The following UBQLN4 variants were observed in gnomAD, a reference collection of about 807,000 sequenced individuals.
UBQLN4 encodes the protein ubiquilin 4.
UBQLN4 carries 11 observed loss-of-function variants against 60.4 expected under a neutral mutation model. The ratio of observed to expected loss-of-function variants is 0.18; its 90% CI spans 0.11 to 0.30. The LOEUF (loss-of-function observed/expected upper bound fraction) is 0.30, where lower values mean the gene tolerates loss of function less well. Among genes scored for constraint, UBQLN4 ranks in the 10% least tolerant of loss-of-function variants. The pLI is 1.00. For synonymous variants in UBQLN4, 258 were observed against 313.1 expected (o/e 0.82, Z 1.86); for missense variants, 417 against 795.5 (o/e 0.52, Z 5.72).
chr1:156,042,394 G>T, intron 7 of UBQLN4, 158 bp from the exon 8 acceptor site: 1 of 1,425,970 alleles, frequency 7.0e-7, no homozygotes, highest in South Asian at 1.6e-5. Flanking sequence ...GGGACAGTGA[G>T]AGGAAATGGA....
chr1:156,036,256 T>A lies in UBQLN4; in HGVS notation c.*722A>T, dbSNP rs1187827560. 2.0e-6 allele frequency: 2 copies of A among 985,512 alleles called. No individual in the cohort carries two copies. The highest frequency in any genetic ancestry group is 2.4e-6 in the Non-Finnish European group (2 of 829,994). 61.0% of individuals were successfully genotyped at this position (985,512 alleles called of 1,614,324 possible). A position where few individuals can be genotyped will look rare whatever the true frequency, so the allele number is the denominator to read the frequency against. On this transcript the variant is annotated 3_prime_UTR_variant, in exon 11 of 11. Coordinates refer to ENST00000368309, the MANE Select transcript of UBQLN4 (RefSeq NM_020131.5). ...ACTTCCAAGCCTTTTACTCAGGCTG[T>A]CTCCCCCATTCCCTTCCTCCGAATA...
In UBQLN4 at chr1:156,049,150, G is replaced by A. The variant is rs1683795097; in HGVS notation, c.742-491C>T. ...CCCTATTTTGCAGATGAGCAAATAG[G>A]CTCAGAGATGTTAATTGACTTGCTG... On this transcript the variant is annotated intron_variant, in intron 4 of 10. Transcript: ENST00000368309. Among the ~76,000 whole-genome samples the A allele has an allele frequency of 2.0e-5, 3 of 152,196 alleles. No individual in the cohort carries two copies. In the South Asian group the frequency reaches 6.2e-4, roughly 32 times the overall value.
chr1:156,031,368 A>G (rs1396919808), downstream of UBQLN4, among the ~76,000 whole-genome samples: 1 of 152,138 alleles, frequency 6.6e-6, no homozygotes, highest in Admixed American at 6.6e-5. Context: ...CATTTTTCAG[A>G]TGAACAAACT....
intron 5 of UBQLN4, among the ~76,000 whole-genome samples, chr1:156,047,891 CAA>C (rs749746724): frequency 1.7e-4 from 7 of 40,070 alleles, no homozygotes; most frequent in Middle Eastern, 0.017. Flanking sequence ...GACTCCATCT[CAA>C]AAAAAAAAAA....
At chr1:156,034,823 T>TATA (rs1683355095), downstream of UBQLN4, among the ~76,000 whole-genome samples, 1 of 35,872 alleles carries the variant, frequency 2.8e-5, no homozygotes, top group Non-Finnish European at 5.6e-5. Flanking sequence ...TCCCTTAACC[T>TATA]TCTATATATA....
chr1:156,042,986 T>C (rs1030584765), intron 6 of UBQLN4, 73 bp from the exon 7 acceptor site: 5 of 1,551,100 alleles, frequency 3.2e-6, no homozygotes, highest in Admixed American at 4.0e-5. Context: ...CACTTCAATC[T>C]ACCTTACTTC....
intron 10 of UBQLN4, among the ~76,000 whole-genome samples, chr1:156,041,275 G>A (rs1196892320): frequency 6.6e-6 from 1 of 152,196 alleles, no homozygotes. Context: ...AGTATGTAGT[G>A]CACGGGTAAG....
chr1:156,040,872 A>T (rs1218248959), intron 10 of UBQLN4, among the ~76,000 whole-genome samples: 1 of 152,208 alleles, frequency 6.6e-6, no homozygotes, highest in Non-Finnish European at 1.5e-5. Flanking sequence ...CAGATGAGTC[A>T]CAGAGGTCAG....
In UBQLN4 at chr1:156,049,180, G is replaced by A. The variant is rs192066749; in HGVS notation, c.742-521C>T. ...GAGATGTTAATTGACTTGCTGCCCT[G>A]GGACACACAGTCACTGAGTGGTGAA... On this transcript the variant is annotated intron_variant, in intron 4 of 10. Transcript: ENST00000368309. Among the ~76,000 whole-genome samples, 21 of 152,296 alleles carry A rather than the reference G, an allele frequency of 1.4e-4. No homozygotes were observed. In the East Asian group the frequency reaches 4.0e-3, roughly 29 times the overall value.
rs755301551 is a variant in UBQLN4 at position 156,051,149 on chromosome 1, C to G, written c.439G>C (p.Ala147Pro). The change falls in exon 3 of 11, where the codon GCT (alanine) becomes CCT (proline). Residue 147 changes from alanine to proline, a missense_variant. Physicochemically the swap from Ala to Pro is conservative, Grantham distance 27. Coordinates refer to ENST00000368309, the MANE Select transcript of UBQLN4 (RefSeq NM_020131.5). ...GTAGCACTGGGGGATCCCTCCCCAG[C>G]CCCCGGAGAGGGCCCCCCACCACTG... ...RSSGGGPSPG[A>P]GEGSPSATAS... 3.7e-6 allele frequency: 6 copies of G among 1,612,300 alleles called. No homozygotes were observed. Among genetic ancestry groups the G allele is most frequent in the Non-Finnish European group, 5.1e-6 (6 of 1,179,110 alleles).
chr1:156,047,891 CA>C (rs749746724), intron 5 of UBQLN4, among the ~76,000 whole-genome samples: 206 of 40,086 alleles, frequency 5.1e-3, no homozygotes, highest in African/African-American at 0.01. Context: ...GACTCCATCT[CA>C]AAAAAAAAAA....
At position 156,051,200 on chromosome 1, in the gene UBQLN4, C is replaced by T. The variant is rs1247308216; in HGVS notation, c.388G>A (p.Asp130Asn). The change falls in exon 3 of 11, where the codon GAT becomes AAT. Residue 130 changes from aspartate to asparagine, a missense_variant. Physicochemically the swap from Asp to Asn is conservative, Grantham distance 23. Coordinates refer to ENST00000368309, the MANE Select transcript of UBQLN4 (RefSeq NM_020131.5). Reference protein sequence around the residue: ...QPSTSGSASSDAGSGSRRSSG... With the variant: ...QPSTSGSASSNAGSGSRRSSG... ...CTCCTCCGGCTTCCACTGCCAGCAT[C>T]TGAAGAGGCACTGCCAGAGGTGGAG... 2 of 1,611,626 alleles carry T rather than the reference C, an allele frequency of 1.2e-6. No homozygotes were observed. The highest frequency in any genetic ancestry group is 1.7e-6 in the Non-Finnish European group (2 of 1,178,828).
At chr1:156,042,645 C>T in intron 7 of UBQLN4, 129 bp downstream of exon 7, 2 of 1,386,560 alleles carry the variant, frequency 1.4e-6, no homozygotes, top group Non-Finnish European at 1.9e-6. Flanking sequence ...ACTCACACAG[C>T]TGGGAAGCAG....
In UBQLN4 at chr1:156,050,366, G is replaced by A. The variant is rs1380642857; in HGVS notation, c.666C>T (p.Asn222=). The A allele has an allele frequency of 6.2e-7, 1 of 1,613,274 alleles. No homozygotes were observed. ...PDLMRHMIMA[N]PQMQQLMERN... is the part of the protein sequence containing the mutation. ...GCTCCATCAACTGCTGCATCTGGGGGTTGGCCATAATCATGTGACGCATCA... is the reference window on the plus strand; with the variant it reads ...GCTCCATCAACTGCTGCATCTGGGGATTGGCCATAATCATGTGACGCATCA... Residue 222 remains asparagine (N), a synonymous_variant, in exon 4 of 11, where the codon AAC becomes AAT. Transcript: ENST00000368309. This position sits in a 1 kb window ranked among gnomAD's most constrained non-coding sequence, Gnocchi z 4.6.
chr1:156,048,553 C>T lies in UBQLN4; in HGVS notation c.848G>A (p.Arg283His), dbSNP rs374330338. 3 of 1,612,890 alleles carry T rather than the reference C, an allele frequency of 1.9e-6. No individual in the cohort carries two copies. The highest frequency in any genetic ancestry group is 2.2e-5 in the East Asian group (1 of 44,866). The change falls in exon 5 of 11, where the codon CGC (arginine) becomes CAC (histidine). Residue 283 changes from arginine (R) to histidine (H), a missense_variant. By Grantham distance (29) the Arg-to-His change is conservative. Transcript: ENST00000368309. This position sits in a 1 kb window ranked among gnomAD's most constrained non-coding sequence, Gnocchi z 4.9. ...ESIPGGYNAL[R>H]RMYTDIQEPM... ...CTCCTGGATGTCCGTGTACATGCGG[C>T]GGAGGGCATTATACCCTCCAGGGAT... is the stretch of plus-strand genomic sequence containing the variant.
Position 156,051,728 on chromosome 1 carries a change from G to A in UBQLN4, c.238C>T (p.Leu80=), listed in dbSNP as rs764771378. 3 of 1,613,834 alleles carry A rather than the reference G, an allele frequency of 1.9e-6. No individual in the cohort carries two copies. Among genetic ancestry groups the A allele is most frequent in the Non-Finnish European group, 2.5e-6 (3 of 1,180,016 alleles). ...HGIKDGLTVH[L]VIKTPQKAQD... ...TACTTCTGAGGGGTCTTGATGACCAGATGGACAGTGAGCCCGTCCTTGATT... is the reference window on the plus strand; with the variant it reads ...TACTTCTGAGGGGTCTTGATGACCAAATGGACAGTGAGCCCGTCCTTGATT... The change falls in exon 2 of 11, where the codon CTG becomes TTG. Residue 80 remains leucine, a synonymous_variant. Coordinates refer to ENST00000368309, the MANE Select transcript of UBQLN4 (RefSeq NM_020131.5).
chr1:156,037,915 T>C (rs1241230240), intron 10 of UBQLN4, among the ~76,000 whole-genome samples: 1 of 152,128 alleles, frequency 6.6e-6, no homozygotes, highest in Non-Finnish European at 1.5e-5. Context: ...AAAAGAGAAG[T>C]ATTTCCTTTT....
intron 7 of UBQLN4, chr1:156,042,505 T>C: frequency 1.6e-6 from 2 of 1,256,098 alleles, no homozygotes; most frequent in Non-Finnish European, 2.1e-6. Flanking sequence ...CAGAACTTAC[T>C]CTGTCACACG....
chr1:156,050,699 A>G lies in UBQLN4; in HGVS notation c.479-146T>C. The G allele has an allele frequency of 2.3e-6, 3 of 1,277,642 alleles. No homozygotes were observed. The highest frequency in any genetic ancestry group is 3.1e-6 in the Non-Finnish European group (3 of 952,658). The allele number at this position is 1,277,642 out of a possible 1,614,324, so 79.1% of individuals were successfully genotyped here. A position where few individuals can be genotyped will look rare whatever the true frequency, so the allele number is the denominator to read the frequency against. ...CATTCCCACAGCCCGGCCCTGATCC[A>G]CTGCTGGCAAAAAAATGTGAGCCTA... is the stretch of plus-strand genomic sequence containing the variant. On this transcript the variant is annotated intron_variant, in intron 3 of 10. Coordinates refer to ENST00000368309, the MANE Select transcript of UBQLN4 (RefSeq NM_020131.5). This position sits in a 1 kb window ranked among gnomAD's most constrained non-coding sequence, Gnocchi z 4.6.
Sources: allele counts gnomAD v4.1 joint callset (sites outside exome capture counted in the v4.1 genomes callset), GRCh38; gene constraint gnomAD v4.1.1; non-coding constraint Gnocchi (gnomAD v3.1); transcripts MANE v1.5; gene names NCBI Gene and HGNC (gene_info 2026-07-23, HGNC 2026-07-21).